C5orf34: variants seen among roughly 807,000 people sequenced by gnomAD.
C5orf34 encodes the protein chromosome 5 open reading frame 34.
In C5orf34, 73 loss-of-function variants were observed where a neutral mutation model predicts 78.4. That is an observed-to-expected ratio of 0.93 (90% CI 0.77 to 1.13). The LOEUF (loss-of-function observed/expected upper bound fraction) is 1.13. Ranked by LOEUF, C5orf34 falls within the 50% of genes most tolerant of loss-of-function variation. C5orf34 has a pLI of 0.00. For missense variants in C5orf34, 730 were observed against 732.7 expected, an observed-to-expected ratio of 1.00 and a Z score of 0.04; for synonymous variants, 251 against 246.6, an observed-to-expected ratio of 1.02 and a Z score of -0.17.
At chr5:43,507,154 A>T (rs1400888610) in intron 3 of C5orf34, among the ~76,000 whole-genome samples, 1 of 152,234 alleles carries the variant, frequency 6.6e-6, no homozygotes, top group Non-Finnish European at 1.5e-5. Context: ...TTAATTACTC[A>T]AAGAAAAATT....
At chr5:43,502,620 A>C in intron 5 of C5orf34, 125 bp from the exon 6 acceptor site, 1 of 619,108 alleles carries the variant, frequency 1.6e-6, no homozygotes. Context: ...TTGCCTGTCC[A>C]GTGAAGCAGA....
At position 43,500,380 on chromosome 5, in the gene C5orf34, T is replaced by C. The variant is rs188454969; in HGVS notation, c.1152+1992A>G. 7.9e-3 allele frequency among the ~76,000 whole-genome samples: 1,210 copies of C among 152,256 alleles called. 20 individuals are homozygous for C. The highest frequency in any genetic ancestry group is 0.028 in the African/African-American group (1,171 of 41,546). On this transcript the variant is annotated intron_variant, in intron 6 of 12. Transcript: ENST00000306862. ...TTTTGCTTATCTTTTTAACAGAAAT[T>C]CTAAAATTTTCTTTTAATTAAAAAA...
chr5:43,491,058 GTTTAAGT>G (rs1745260432), intron 10 of C5orf34, among the ~76,000 whole-genome samples: 1 of 151,998 alleles, frequency 6.6e-6, no homozygotes, highest in South Asian at 2.1e-4. Context: ...AGTAAAATGC[GTTTAAGT>G]TTTATCAAAA....
intron 6 of C5orf34, chr5:43,496,475 T>TG (rs1745529161): frequency 1.3e-6 from 2 of 1,549,982 alleles, no homozygotes; most frequent in African/African-American, 2.7e-5. Flanking sequence ...AGGGGTAGTT[T>TG]TCACAACACC....
rs746798968 is a variant in C5orf34 at position 43,494,546 on chromosome 5, G to T, written c.1208C>A (p.Pro403Gln). 2 of 1,607,932 alleles carry T rather than the reference G, an allele frequency of 1.2e-6. No homozygotes were observed. Among genetic ancestry groups the T allele is most frequent in the South Asian group, 2.2e-5 (2 of 90,058 alleles). The change falls in exon 7 of 13, where the codon CCA becomes CAA. Residue 403 changes from proline (P) to glutamine (Q), a missense_variant. Physicochemically the swap from Pro to Gln is moderately conservative, Grantham distance 76. Transcript: ENST00000306862. ...TTTAATTAGAGAACCGACAGTGAAT[G>T]GACTTCCCGGTCTATCTGGAGGAAG... ...NNLPPDRPGS[P>Q]FTVGSLIKQA...
chr5:43,511,896 G>A (rs543124156), intron 1 of C5orf34, among the ~76,000 whole-genome samples: 27 of 152,248 alleles, frequency 1.8e-4, no homozygotes, highest in Middle Eastern at 3.4e-3. Context: ...CACTGCGGAA[G>A]GCTGCAGGGT....
At chr5:43,512,042 AAAAAG>A (rs1256117097) in intron 1 of C5orf34, among the ~76,000 whole-genome samples, 3 of 152,132 alleles carry the variant, frequency 2.0e-5, no homozygotes, top group Admixed American at 1.3e-4. Context: ...AAAAAAAAAA[AAAAAG>A]AGTTGGGTTT....
At position 43,514,842 on chromosome 5, in the gene C5orf34, C is replaced by G. The variant is rs1746417819; in HGVS notation, c.-73G>C. ...GCCGAAAAGTTGCGGAAATGAGGCC[C>G]AGCAACGGTCCCTGGCTTTGATTTG... is the stretch of plus-strand genomic sequence containing the variant. On this transcript the variant is annotated 5_prime_UTR_variant, in exon 1 of 13. Transcript: ENST00000306862. The G allele has an allele frequency of 6.6e-6, 1 of 152,182 alleles. No individual in the cohort carries two copies. The highest frequency in any genetic ancestry group is 6.5e-5 in the Admixed American group (1 of 15,284). The allele number at this position is 152,182 out of a possible 1,614,324, so 9.4% of individuals were successfully genotyped here. A position where few individuals can be genotyped will look rare whatever the true frequency, so the allele number is the denominator to read the frequency against.
At chr5:43,499,741 C>T (rs911124463) in intron 6 of C5orf34, among the ~76,000 whole-genome samples, 4 of 152,274 alleles carry the variant, frequency 2.6e-5, no homozygotes, top group South Asian at 2.1e-4. Flanking sequence ...TTTCTTTATT[C>T]GCTCAACAAC....
chr5:43,508,728 G>T, intron 2 of C5orf34, 62 bp from the exon 3 acceptor site: 2 of 1,007,898 alleles, frequency 2.0e-6, no homozygotes, highest in South Asian at 1.3e-5. Context: ...AATTAAAAAT[G>T]ACAGTACAGT....
intron 6 of C5orf34, among the ~76,000 whole-genome samples, chr5:43,501,082 A>G (rs1231484579): frequency 6.6e-6 from 1 of 152,190 alleles, no homozygotes; most frequent in Non-Finnish European, 1.5e-5. Context: ...ACTCCATGAT[A>G]TATTTGCTTT....
intron 6 of C5orf34, among the ~76,000 whole-genome samples, chr5:43,501,716 C>CT (rs1023767697): frequency 6.6e-6 from 1 of 152,048 alleles, no homozygotes; most frequent in African/African-American, 2.4e-5. Flanking sequence ...TTCTGATAAT[C>CT]TGATTAGTAT....
rs536299444 is a variant in C5orf34 at position 43,497,370 on chromosome 5, T to A, written c.1153-2769A>T. 3.3e-5 allele frequency among the ~76,000 whole-genome samples: 5 copies of A among 152,342 alleles called. No homozygotes were observed. In the South Asian group the frequency reaches 1.0e-3, roughly 32 times the overall value. On this transcript the variant is annotated intron_variant, in intron 6 of 12. Transcript: ENST00000306862. ...ACTCACTTTACATGGATTATCTCAT[T>A]TATTCCTCAAAATAATTCTGAGATA...
intron 6 of C5orf34, chr5:43,495,675 C>T (rs12656199): frequency 0.014 from 21,433 of 1,579,216 alleles, 475 homozygotes; most frequent in East Asian, 0.12. Flanking sequence ...CCAACAGGAA[C>T]AGTACCAATA....
rs915681020 is a variant in C5orf34, at chr5:43,486,839, C to T, written c.*76G>A. 61 of 811,150 alleles carry T rather than the reference C, an allele frequency of 7.5e-5. No homozygotes were observed. In the Admixed American group the frequency reaches 1.1e-3, roughly 15 times the overall value. 50.2% of individuals were successfully genotyped at this position (811,150 alleles called of 1,614,324 possible). A position where few individuals can be genotyped will look rare whatever the true frequency, so the allele number is the denominator to read the frequency against. ...CGGGGTAATACGTACAATATCTTGG[C>T]TTACTAGTAATTTTATACCAGTCAC... On this transcript the variant is annotated 3_prime_UTR_variant, in exon 13 of 13. Transcript: ENST00000306862.
intron 7 of C5orf34, among the ~76,000 whole-genome samples, chr5:43,494,188 C>T (rs1445956091): frequency 1.3e-5 from 2 of 152,088 alleles, no homozygotes; most frequent in African/African-American, 4.8e-5. Context: ...TTAAATGTAA[C>T]ATCAAATCTC....
intron 6 of C5orf34, chr5:43,495,836 A>G: frequency 6.3e-7 from 1 of 1,585,920 alleles, no homozygotes; most frequent in South Asian, 1.1e-5. Flanking sequence ...GAGCCAAGGC[A>G]TGTTAGCACT....
In C5orf34 at chr5:43,492,790, T is replaced by C. The variant is rs774930219; in HGVS notation, c.1415A>G (p.His472Arg). 6 of 1,613,334 alleles carry C rather than the reference T, an allele frequency of 3.7e-6. No individual in the cohort carries two copies. The highest frequency in any genetic ancestry group is 1.7e-4 in the Middle Eastern group (1 of 6,058). ...RFLAYSDDKV[H>R]AIFLDGITLT... ...AGTAATGCCATCTAAAAAGATAGCA[T>C]GTACTTTGTCATCAGAGTAGGCAAG... Residue 472 changes from histidine to arginine, a missense_variant, in exon 9 of 13, where the codon CAT (histidine) becomes CGT (arginine). Physicochemically the swap from His to Arg is conservative, Grantham distance 29. Transcript: ENST00000306862.
chr5:43,510,000 G>T (rs1479730211), intron 1 of C5orf34, among the ~76,000 whole-genome samples: 3 of 152,104 alleles, frequency 2.0e-5, no homozygotes, highest in Non-Finnish European at 4.4e-5. Flanking sequence ...AGATCTGCCT[G>T]CCTCAGCCTC....
Sources: allele counts gnomAD v4.1 joint callset (sites outside exome capture counted in the v4.1 genomes callset), GRCh38; gene constraint gnomAD v4.1.1; transcripts MANE v1.5; gene names NCBI Gene and HGNC (gene_info 2026-07-23, HGNC 2026-07-21).